Variants in OPCML observed in about 807,000 individuals in gnomAD.
OPCML encodes opioid binding protein/cell adhesion molecule like.
A neutral mutation model predicts 37.8 loss-of-function variants in OPCML; 13 were observed. The ratio of observed to expected loss-of-function variants is 0.34; its 90% CI spans 0.22 to 0.55. The LOEUF (loss-of-function observed/expected upper bound fraction) is 0.55, where lower values mean the gene tolerates loss of function less well. Ranked by LOEUF, OPCML falls within the 20% of genes least tolerant of loss-of-function variation. The pLI is 0.91. For synonymous variants in OPCML, 176 were observed against 168.8 expected (o/e 1.04, Z -0.33); for missense variants, 341 against 435.6 (o/e 0.78, Z 1.93).
chr11:132,775,890 T>A (rs1946793649), intron 2 of OPCML, among the ~76,000 whole-genome samples: 1 of 152,188 alleles, frequency 6.6e-6, no homozygotes, highest in South Asian at 2.1e-4. Flanking sequence ...AAGTACAAAG[T>A]GACAATATCC....
intron 2 of OPCML, among the ~76,000 whole-genome samples, chr11:132,859,839 C>G (rs1004406094): frequency 1.3e-5 from 2 of 152,196 alleles, no homozygotes; most frequent in Non-Finnish European, 2.9e-5. Flanking sequence ...CACGCCTATT[C>G]ATTTCCATCA....
intron 1 of OPCML, among the ~76,000 whole-genome samples, chr11:133,013,373 G>C (rs1947258634): frequency 6.6e-6 from 1 of 152,150 alleles, no homozygotes; most frequent in South Asian, 2.1e-4. Context: ...ATTTATGCCA[G>C]TCCTACAATA....
chr11:133,449,480 A>G (rs1047600700), intron 1 of OPCML, among the ~76,000 whole-genome samples: 5 of 152,184 alleles, frequency 3.3e-5, no homozygotes, highest in Non-Finnish European at 7.3e-5. Flanking sequence ...GCTGTGACCA[A>G]TCACCACAGA....
intron 1 of OPCML, among the ~76,000 whole-genome samples, chr11:133,030,311 G>A (rs1947642881): frequency 6.6e-6 from 1 of 152,206 alleles, no homozygotes; most frequent in South Asian, 2.1e-4. Flanking sequence ...GGGTAACAAT[G>A]TATGCCTCAC....
At chr11:133,244,867 A>C (rs1188539990) in intron 1 of OPCML, among the ~76,000 whole-genome samples, 3 of 152,204 alleles carry the variant, frequency 2.0e-5, no homozygotes, top group African/African-American at 7.2e-5. Flanking sequence ...AGTCTGAAGT[A>C]GTTCTTTATA....
At chr11:133,059,106 C>T (rs535360983) in intron 1 of OPCML, among the ~76,000 whole-genome samples, 3 of 152,292 alleles carry the variant, frequency 2.0e-5, no homozygotes, top group South Asian at 2.1e-4. Flanking sequence ...CTCCATGGTC[C>T]GAACATTGAT....
At chr11:133,348,848 A>G (rs1471822458) in intron 1 of OPCML, among the ~76,000 whole-genome samples, 1 of 152,202 alleles carries the variant, frequency 6.6e-6, no homozygotes, top group Non-Finnish European at 1.5e-5. Flanking sequence ...TACCATGAGC[A>G]GTATGTAAAG....
At chr11:132,951,659 A>G (rs1945863837) in intron 1 of OPCML, among the ~76,000 whole-genome samples, 1 of 152,204 alleles carries the variant, frequency 6.6e-6, no homozygotes, top group African/African-American at 2.4e-5. Flanking sequence ...GCCTACAGAA[A>G]GAGGCCTAAT....
intron 1 of OPCML, among the ~76,000 whole-genome samples, chr11:132,945,421 T>C (rs1380202595): frequency 6.6e-6 from 1 of 152,224 alleles, no homozygotes; most frequent in Non-Finnish European, 1.5e-5. Context: ...AATAAAAATA[T>C]GGTACAAAAG....
intron 2 of OPCML, among the ~76,000 whole-genome samples, chr11:132,763,542 G>A (rs1443483784): frequency 6.6e-6 from 1 of 152,188 alleles, no homozygotes; most frequent in Non-Finnish European, 1.5e-5. Flanking sequence ...GAGAAGTCCA[G>A]GAAAAGCTAT....
chr11:133,241,762 C>T (rs752746419), intron 1 of OPCML, among the ~76,000 whole-genome samples: 2 of 152,216 alleles, frequency 1.3e-5, no homozygotes, highest in Non-Finnish European at 2.9e-5. Context: ...CAGGAACACA[C>T]CTTCATCTCC....
chr11:132,868,538 A>C (rs868537275), intron 2 of OPCML, among the ~76,000 whole-genome samples: 10 of 152,120 alleles, frequency 6.6e-5, no homozygotes, highest in South Asian at 2.1e-4. Context: ...GTTGTGTCCC[A>C]AATAGGAATC....
At chr11:132,840,662 G>A (rs1303545873) in intron 2 of OPCML, among the ~76,000 whole-genome samples, 1 of 152,154 alleles carries the variant, frequency 6.6e-6, no homozygotes, top group Admixed American at 6.5e-5. Flanking sequence ...TGCTCAATCC[G>A]AAGCGTTAAT....
chr11:132,873,281 A>G (rs1189213575), intron 2 of OPCML, among the ~76,000 whole-genome samples: 2 of 152,218 alleles, frequency 1.3e-5, no homozygotes, highest in African/African-American at 4.8e-5. Context: ...ATGTTTCTGT[A>G]CATTAAGCAT....
intron 1 of OPCML, among the ~76,000 whole-genome samples, chr11:133,242,139 T>G (rs139996773): frequency 6.6e-6 from 1 of 152,300 alleles, no homozygotes; most frequent in African/African-American, 2.4e-5. Flanking sequence ...CGAAGATGTA[T>G]TGAGCCCCTG....
chr11:133,334,733 C>T (rs1773163104), intron 1 of OPCML, among the ~76,000 whole-genome samples: 1 of 152,184 alleles, frequency 6.6e-6, no homozygotes, highest in Admixed American at 6.5e-5. Context: ...GAGCCCTGCT[C>T]CCATAGAGTG....
At chr11:132,553,886 A>G (rs1265693704) in intron 3 of OPCML, among the ~76,000 whole-genome samples, 1 of 152,192 alleles carries the variant, frequency 6.6e-6, no homozygotes, top group African/African-American at 2.4e-5. Flanking sequence ...TTGGTTTTGA[A>G]TGCAAAATGA....
intron 3 of OPCML, among the ~76,000 whole-genome samples, chr11:132,650,741 A>T (rs1941389391): frequency 6.6e-6 from 1 of 152,118 alleles, no homozygotes; most frequent in South Asian, 2.1e-4. Context: ...CACTTTTAGG[A>T]GCCGAGCGCA....
Position 133,356,130 on chromosome 11 carries a change from C to T in OPCML, c.61+176134G>A, listed in dbSNP as rs368316250. Among the ~76,000 whole-genome samples, 8 of 152,232 alleles carry T rather than the reference C, an allele frequency of 5.3e-5. No homozygotes were observed. In the East Asian group the frequency reaches 1.5e-3, roughly 29 times the overall value. ...TCCAGTAAGCTGGAATCTCTCTTCC[C>T]AATGCTATCTTAAAAATATTTTATA... is the stretch of plus-strand genomic sequence containing the variant. On this transcript the variant is annotated intron_variant, in intron 1 of 7. Coordinates refer to ENST00000524381, the MANE Select transcript of OPCML (RefSeq NM_001012393.5).
Sources: gnomAD v4.1 joint callset for allele counts (sites outside exome capture counted in the v4.1 genomes callset) on GRCh38, gnomAD v4.1.1 for gene constraint, MANE v1.5 for transcripts, NCBI Gene and HGNC (gene_info 2026-07-23, HGNC 2026-07-21) for gene names.